The following UNC13C variants were observed in gnomAD, a reference collection of about 807,000 sequenced individuals.
UNC13C encodes protein unc-13 homolog C.
Under a neutral mutation model 245.4 loss-of-function variants are expected in UNC13C, and 174 were observed. That is an observed-to-expected ratio of 0.71 (90% CI 0.63 to 0.80). The LOEUF (loss-of-function observed/expected upper bound fraction) is 0.80. Ranked by LOEUF, UNC13C falls within the 30% of genes least tolerant of loss-of-function variation. The probability of loss-of-function intolerance (pLI) is 0.00; values close to 1 mark genes in which losing one functional copy is unlikely to be tolerated. For synonymous variants in UNC13C, 992 were observed against 895.1 expected, an observed-to-expected ratio of 1.11 and a Z score of -1.93; for missense variants, 2,829 against 2,602.9, an observed-to-expected ratio of 1.09 and a Z score of -1.89.
intron 2 of UNC13C, among the ~76,000 whole-genome samples, chr15:54,047,324 A>C (rs1897082097): frequency 6.6e-6 from 1 of 151,980 alleles, no homozygotes; most frequent in Non-Finnish European, 1.5e-5. Context: ...TAACATTCAG[A>C]ATGTTGAGCA....
chr15:53,889,228 G>T, the UNC13C span, among the ~76,000 whole-genome samples: 1 of 152,052 alleles, frequency 6.6e-6, no homozygotes, highest in East Asian at 1.9e-4. Context: ...TTATTTCCTT[G>T]AGCAGTAGTT....
At chr15:54,154,249 T>C (rs2032647040) in intron 4 of UNC13C, among the ~76,000 whole-genome samples, 3 of 151,284 alleles carry the variant, frequency 2.0e-5, no homozygotes, top group Non-Finnish European at 4.4e-5. Context: ...GGTATTTTGA[T>C]ACATGTTGCA....
intron 1 of UNC13C, among the ~76,000 whole-genome samples, chr15:54,000,975 T>A (rs1299332052): frequency 6.6e-6 from 1 of 152,214 alleles, no homozygotes; most frequent in Non-Finnish European, 1.5e-5. Flanking sequence ...TTTTTTAGTT[T>A]GAACCTTACT....
intron 1 of UNC13C, among the ~76,000 whole-genome samples, chr15:54,001,149 C>CT (rs1353339019): frequency 1.3e-5 from 2 of 152,208 alleles, no homozygotes; most frequent in Admixed American, 6.5e-5. Flanking sequence ...AAATTTATTA[C>CT]TTTTTTCCAA....
At chr15:54,440,922 A>G (rs754076247) in intron 19 of UNC13C, among the ~76,000 whole-genome samples, 1 of 152,040 alleles carries the variant, frequency 6.6e-6, no homozygotes, top group Admixed American at 6.6e-5. Flanking sequence ...GATGTCGAGC[A>G]TTTTTAATAT....
At chr15:54,048,272 C>T (rs1173674222) in intron 2 of UNC13C, among the ~76,000 whole-genome samples, 1 of 152,148 alleles carries the variant, frequency 6.6e-6, no homozygotes, top group Non-Finnish European at 1.5e-5. Context: ...TGATTTTTCT[C>T]TCAATCTATT....
At chr15:54,423,048 T>C (rs2040684563) in intron 19 of UNC13C, among the ~76,000 whole-genome samples, 1 of 151,838 alleles carries the variant, frequency 6.6e-6, no homozygotes, top group African/African-American at 2.4e-5. Context: ...AAATTGTATT[T>C]CTTCATAGCT....
intron 4 of UNC13C, among the ~76,000 whole-genome samples, chr15:54,156,207 G>A (rs1323922838): frequency 2.0e-5 from 3 of 152,126 alleles, no homozygotes; most frequent in African/African-American, 7.2e-5. Context: ...AAAGACATTA[G>A]TCTCCAGAAG....
chr15:53,878,270 C>T, the UNC13C span, among the ~76,000 whole-genome samples: 1 of 152,110 alleles, frequency 6.6e-6, no homozygotes, highest in South Asian at 2.1e-4. Context: ...AACCTCAAAC[C>T]AAAGCTGTGC....
At chr15:54,561,444 A>C (rs1458813563) in intron 29 of UNC13C, among the ~76,000 whole-genome samples, 2 of 152,016 alleles carry the variant, frequency 1.3e-5, no homozygotes, top group Non-Finnish European at 2.9e-5. Flanking sequence ...TGAAAGACAG[A>C]TGGGCGTTTA....
chr15:54,077,404 A>G, intron 2 of UNC13C, among the ~76,000 whole-genome samples: 1 of 61,880 alleles, frequency 1.6e-5, no homozygotes, highest in Non-Finnish European at 2.7e-5. Flanking sequence ...TTTGAGACAG[A>G]GTCTCTCTCT....
chr15:54,527,218 G>A (rs1162724482), intron 25 of UNC13C, among the ~76,000 whole-genome samples: 1 of 152,156 alleles, frequency 6.6e-6, no homozygotes, highest in Non-Finnish European at 1.5e-5. Context: ...AGAGATGTAG[G>A]GTTCATTGGC....
chr15:54,618,778 C>A (rs114157058), intron 30 of UNC13C, among the ~76,000 whole-genome samples: 1 of 151,990 alleles, frequency 6.6e-6, no homozygotes. Context: ...AATGAATCAA[C>A]GGAAGTATAT....
At chr15:53,874,088 A>G in the UNC13C span, among the ~76,000 whole-genome samples, 8 of 151,644 alleles carry the variant, frequency 5.3e-5, no homozygotes, top group Admixed American at 3.9e-4. Flanking sequence ...CAATTTTCCC[A>G]TCTCAGCCTA....
chr15:54,128,999 C>T (rs534196319), intron 2 of UNC13C, among the ~76,000 whole-genome samples: 6 of 152,318 alleles, frequency 3.9e-5, no homozygotes, highest in Non-Finnish European at 8.8e-5. Flanking sequence ...AAGAAAGGGG[C>T]ACATCACTGC....
intron 2 of UNC13C, among the ~76,000 whole-genome samples, chr15:54,056,158 C>G (rs1830449707): frequency 6.6e-6 from 1 of 152,088 alleles, no homozygotes; most frequent in South Asian, 2.1e-4. Context: ...GCTCAAACTA[C>G]TCCGAGCTAA....
intron 30 of UNC13C, among the ~76,000 whole-genome samples, chr15:54,604,677 G>A (rs755964592): frequency 6.6e-6 from 1 of 152,116 alleles, no homozygotes; most frequent in Non-Finnish European, 1.5e-5. Flanking sequence ...TTTATTTCTG[G>A]TGGGATAATA....
intron 7 of UNC13C, among the ~76,000 whole-genome samples, chr15:54,243,016 C>T (rs1358442149): frequency 9.9e-5 from 15 of 152,056 alleles, no homozygotes; most frequent in Admixed American, 9.8e-4. Flanking sequence ...GATACATGTG[C>T]AGGATGTGCT....
chr15:54,135,594 A>G (rs1298413501), intron 2 of UNC13C, among the ~76,000 whole-genome samples: 3 of 152,136 alleles, frequency 2.0e-5, no homozygotes, highest in African/African-American at 7.2e-5. Flanking sequence ...ACCTTCATCA[A>G]ATATTAGTTT....
Sources: gnomAD v4.1 joint callset for allele counts (sites outside exome capture counted in the v4.1 genomes callset) on GRCh38, gnomAD v4.1.1 for gene constraint, MANE v1.5 for transcripts, NCBI Gene and HGNC (gene_info 2026-07-23, HGNC 2026-07-21) for gene names.